NDUFAF6: variants seen among roughly 807,000 people sequenced by gnomAD.
NDUFAF6 encodes NADH dehydrogenase (ubiquinone) complex I, assembly factor 6.
Under a neutral mutation model 40.8 loss-of-function variants are expected in NDUFAF6, and 45 were observed. The observed-to-expected ratio is 1.10, with a 90% confidence interval of 0.87 to 1.42. NDUFAF6 has a LOEUF of 1.42. Among genes scored for constraint, NDUFAF6 ranks in the 40% most tolerant of loss-of-function variants. The pLI is 0.00. For synonymous variants in NDUFAF6, 185 were observed against 155.9 expected (o/e 1.19, Z -1.39); for missense variants, 435 against 418.5 (o/e 1.04, Z -0.34).
chr8:95,086,603 CTT>C (rs140726768), intron 2 of NDUFAF6, among the ~76,000 whole-genome samples: 56,286 of 135,568 alleles, frequency 0.42, 12,420 homozygotes, highest in East Asian at 0.71. Context: ...CTTTTCTTTT[CTT>C]TTTTTTTTTT....
intron 1 of NDUFAF6, among the ~76,000 whole-genome samples, chr8:94,913,612 C>T (rs1352755419): frequency 2.6e-5 from 4 of 152,192 alleles, no homozygotes; most frequent in Non-Finnish European, 5.9e-5. Context: ...GCCTGGACAA[C>T]ATTGCAAGAC....
chr8:94,985,515 ATTTTTTTTTTTTTTTTTTTTTTTTTT>A (rs1200345448), intron 2 of NDUFAF6, among the ~76,000 whole-genome samples: 2 of 6,602 alleles, frequency 3.0e-4, no homozygotes, highest in Non-Finnish European at 2.2e-4. Context: ...ATATATATAT[ATTTTTTTTTTTTTTTTTTTTTTTTTT>A]TTTTTTTTTT....
At chr8:94,938,150 T>C (rs1163795471) in intron 1 of NDUFAF6, among the ~76,000 whole-genome samples, 1 of 152,218 alleles carries the variant, frequency 6.6e-6, no homozygotes, top group Non-Finnish European at 1.5e-5. Context: ...AGGGTGAAGC[T>C]ACGTGTTTGC....
chr8:94,999,835 T>C (rs1826635767), intron 2 of NDUFAF6, among the ~76,000 whole-genome samples: 1 of 152,248 alleles, frequency 6.6e-6, no homozygotes, highest in Non-Finnish European at 1.5e-5. Flanking sequence ...CAGACACTAA[T>C]ATTCTATAAC....
At chr8:95,112,929 A>G (rs1428592585) in intron 4 of NDUFAF6, among the ~76,000 whole-genome samples, 1 of 152,268 alleles carries the variant, frequency 6.6e-6, no homozygotes, top group African/African-American at 2.4e-5. Context: ...AGCAAAGTCC[A>G]GATGGCCCAC....
intron 2 of NDUFAF6, among the ~76,000 whole-genome samples, chr8:95,101,890 C>T (rs1040261443): frequency 1.3e-5 from 2 of 152,238 alleles, no homozygotes; most frequent in South Asian, 2.1e-4. Context: ...CAGCCAGTGC[C>T]ATCAGGGCCT....
At chr8:94,910,819 A>C (rs1223262680) in intron 1 of NDUFAF6, among the ~76,000 whole-genome samples, 1 of 152,252 alleles carries the variant, frequency 6.6e-6, no homozygotes, top group African/African-American at 2.4e-5. Flanking sequence ...TAATAGCAAA[A>C]ACCTAGAGAT....
intron 1 of NDUFAF6, among the ~76,000 whole-genome samples, chr8:94,900,212 G>A (rs923902154): frequency 1.3e-5 from 2 of 151,714 alleles, no homozygotes; most frequent in Non-Finnish European, 2.9e-5. Flanking sequence ...CTGGGGCCTG[G>A]TGGACCGCAA....
intron 2 of NDUFAF6, among the ~76,000 whole-genome samples, chr8:95,087,415 CTCCAAAGTT>C (rs987481310): frequency 1.3e-5 from 2 of 152,128 alleles, no homozygotes; most frequent in African/African-American, 4.8e-5. Flanking sequence ...CGATTATTTC[CTCCAAAGTT>C]TCCTGGGACT....
chr8:94,899,497 C>A (rs1037875557), intron 1 of NDUFAF6, among the ~76,000 whole-genome samples: 1 of 152,086 alleles, frequency 6.6e-6, no homozygotes, highest in African/African-American at 2.4e-5. Context: ...ACTATTAACT[C>A]CTTCAATCTT....
At chr8:94,965,494 T>A (rs539294508) in intron 1 of NDUFAF6, among the ~76,000 whole-genome samples, 13 of 152,362 alleles carry the variant, frequency 8.5e-5, no homozygotes, top group Admixed American at 5.2e-4. Context: ...CCTGTTTTTA[T>A]GTTTAAGGAA....
At chr8:94,902,940 G>A (rs931465523) in intron 1 of NDUFAF6, among the ~76,000 whole-genome samples, 8 of 152,064 alleles carry the variant, frequency 5.3e-5, no homozygotes, top group Non-Finnish European at 8.8e-5. Flanking sequence ...CTGACATCAG[G>A]TGATCCACCT....
chr8:94,904,738 G>C (rs1818279473), intron 1 of NDUFAF6, among the ~76,000 whole-genome samples: 1 of 151,886 alleles, frequency 6.6e-6, no homozygotes, highest in African/African-American at 2.4e-5. Context: ...TCCTAAAGCA[G>C]TTTTTAATGT....
intron 1 of NDUFAF6, among the ~76,000 whole-genome samples, chr8:94,917,125 AAAAG>A (rs1032281634): frequency 8.6e-5 from 13 of 151,818 alleles, no homozygotes; most frequent in Admixed American, 2.6e-4. Context: ...AAAAAAAAAA[AAAAG>A]AAAGAAAAAA....
chr8:94,930,617 T>C lies in NDUFAF6; in HGVS notation c.-935-14866T>C, dbSNP rs1399000235. The C allele has an allele frequency of 1.9e-6, 3 of 1,614,124 alleles. No individual in the cohort carries two copies. In the East Asian group the frequency reaches 6.7e-5, roughly 36 times the overall value. ...GAGGCTGTCTTTCACTGTGTTCTTT[T>C]ATCCACTGGGAAGGGCGAAAGCTCT... On this transcript the variant is annotated intron_variant, in intron 1 of 14. Transcript: ENST00000396113.
intron 2 of NDUFAF6, among the ~76,000 whole-genome samples, chr8:95,032,577 A>T (rs570860292): frequency 6.6e-6 from 1 of 152,336 alleles, no homozygotes; most frequent in Admixed American, 6.5e-5. Context: ...GGAAGGAGAG[A>T]TCCTCTTTTT....
At chr8:95,035,412 G>A in intron 2 of NDUFAF6, 42 bp from the exon 3 acceptor site, 1 of 1,609,230 alleles carries the variant, frequency 6.2e-7, no homozygotes, top group Non-Finnish European at 8.5e-7. Flanking sequence ...TTTTTAGACA[G>A]TAGACAATGC....
At chr8:95,007,575 G>A (rs1291659070) in intron 2 of NDUFAF6, among the ~76,000 whole-genome samples, 2 of 151,496 alleles carry the variant, frequency 1.3e-5, no homozygotes, top group Non-Finnish European at 2.9e-5. Context: ...GAAGTAGGAG[G>A]ATCGCTTGAG....
intron 9 of NDUFAF6, chr8:95,075,567 A>G (rs1483148965): frequency 1.6e-6 from 2 of 1,243,926 alleles, no homozygotes; most frequent in African/African-American, 3.1e-5. Flanking sequence ...CTCTCGGGGC[A>G]TGGGAATGTT....
Sources: gnomAD v4.1 joint callset for allele counts (sites outside exome capture counted in the v4.1 genomes callset) on GRCh38, gnomAD v4.1.1 for gene constraint, MANE v1.5 for transcripts, NCBI Gene and HGNC (gene_info 2026-07-23, HGNC 2026-07-21) for gene names.